The following IDH3A variants were observed in gnomAD, a reference collection of about 807,000 sequenced individuals.
IDH3A encodes the protein isocitrate dehydrogenase [NAD] subunit alpha, mitochondrial.
IDH3A carries 23 observed loss-of-function variants against 43.3 expected under a neutral mutation model. The observed-to-expected ratio is 0.53, with a 90% CI of 0.38 to 0.75. The LOEUF (loss-of-function observed/expected upper bound fraction) is 0.75. IDH3A is among the 30% of genes least tolerant of loss of function. The pLI, the probability that IDH3A is intolerant of heterozygous loss-of-function variation, is 0.00. For missense variants in IDH3A, 329 were observed against 474.4 expected (o/e 0.69, Z 2.85); for synonymous variants, 154 against 163.5 (o/e 0.94, Z 0.44).
At position 78,161,714 on chromosome 15, in the gene IDH3A, T is replaced by C; in HGVS notation, c.423T>C (p.Asn141=). ...EGYKTPYTDV[N]IVTIRENTEG... is the part of the protein sequence containing the mutation. ...ATAAAACCCCTTACACCGATGTAAATATTGTGACCATTCGAGAGAACACAG... is the reference window on the plus strand; with the variant it reads ...ATAAAACCCCTTACACCGATGTAAACATTGTGACCATTCGAGAGAACACAG... The change falls in exon 5 of 11, where the codon AAT becomes AAC. Residue 141 remains asparagine (N), a synonymous_variant. Transcript: ENST00000299518. This position sits in a 1 kb window ranked among gnomAD's most constrained non-coding sequence, Gnocchi z 4.8. 1 of 1,614,160 alleles carries C rather than the reference T, an allele frequency of 6.2e-7. No homozygotes were observed. Among genetic ancestry groups the C allele is most frequent in the South Asian group, 1.1e-5 (1 of 91,084 alleles).
chr15:78,164,540 C>T (rs772760429), intron 8 of IDH3A, among the ~76,000 whole-genome samples: 21 of 151,962 alleles, frequency 1.4e-4, no homozygotes, highest in African/African-American at 4.1e-4. Flanking sequence ...TTAGTAGGGA[C>T]GGGGTTTCGC....
rs761125263 is a variant in IDH3A, at chr15:78,161,129, G to A, written c.290-452G>A. 6.6e-5 allele frequency among the ~76,000 whole-genome samples: 10 copies of A among 152,204 alleles called. No homozygotes were observed. Among genetic ancestry groups the A allele is most frequent in the Non-Finnish European group, 1.2e-4 (8 of 68,044 alleles). On this transcript the variant is annotated intron_variant, in intron 4 of 10. Coordinates refer to ENST00000299518, the MANE Select transcript of IDH3A (RefSeq NM_005530.3). The surrounding 1 kb of genome is among the most constrained non-coding windows in gnomAD (Gnocchi z 4.8). ...ACTCCTGACCTCAAGCGATCCGCCT[G>A]CCTTGGCCTCCCAAAGTGTTGGGAT...
At chr15:78,162,070 T>C in intron 5 of IDH3A, 164 bp from the exon 6 acceptor site, 1 of 696,904 alleles carries the variant, frequency 1.4e-6, no homozygotes. Context: ...CTCTTAGGGC[T>C]GGAGTTAACA....
chr15:78,166,011 T>C lies in IDH3A; in HGVS notation c.865-139T>C, dbSNP rs183913079. On this transcript the variant is annotated intron_variant, in intron 9 of 10. Coordinates refer to ENST00000299518, the MANE Select transcript of IDH3A (RefSeq NM_005530.3). ...ACCCAGACTTTATTTCTTCAGTCCA[T>C]ATCAGATGAATTGCACGCAGTAGCT... 176 of 770,814 alleles carry C rather than the reference T, an allele frequency of 2.3e-4. 1 individual carries two copies. In the East Asian group the frequency reaches 4.1e-3, roughly 18 times the overall value. The allele number at this position is 770,814 out of a possible 1,614,324, so 47.7% of individuals were successfully genotyped here. A position where few individuals can be genotyped will look rare whatever the true frequency, so the allele number is the denominator to read the frequency against.
rs1004909223 is a variant in IDH3A, at chr15:78,171,085, C to T, written c.*2080C>T. The T allele has an allele frequency of 1.1e-5, 2 of 177,360 alleles. No individual in the cohort carries two copies. The highest frequency in any genetic ancestry group is 3.0e-4 in the East Asian group (2 of 6,574). The allele number at this position is 177,360 out of a possible 1,614,324, so 11.0% of individuals were successfully genotyped here. ...CAGTATCAGCCATCTCTCTCCTACC[C>T]GCTCCACAGCCTACTGCTGGCTGTC... On this transcript the variant is annotated 3_prime_UTR_variant, in exon 11 of 11. Transcript: ENST00000299518.
intron 10 of IDH3A, chr15:78,167,632 C>T (rs897332948): frequency 1.4e-4 from 22 of 152,216 alleles, no homozygotes; most frequent in African/African-American, 5.3e-4. Context: ...TTTTCTCAAA[C>T]TGAGACTCTG....
rs1033105220 is a variant in IDH3A, at chr15:78,157,900, C to T, written c.174+269C>T. 5.9e-5 allele frequency among the ~76,000 whole-genome samples: 9 copies of T among 151,608 alleles called. No homozygotes were observed. In the East Asian group the frequency reaches 1.4e-3, roughly 23 times the overall value. ...CTGGTCTTGAACTCTGGGGCTCAAGCGATCCTCCCACCTTCACCTCCCAAA... is the reference window on the plus strand; with the variant it reads ...CTGGTCTTGAACTCTGGGGCTCAAGTGATCCTCCCACCTTCACCTCCCAAA... On this transcript the variant is annotated intron_variant, in intron 3 of 10. Coordinates refer to ENST00000299518, the MANE Select transcript of IDH3A (RefSeq NM_005530.3).
At chr15:78,155,129 A>G in intron 1 of IDH3A, 84 bp from the exon 2 acceptor site, 1 of 919,948 alleles carries the variant, frequency 1.1e-6, no homozygotes, top group Admixed American at 1.9e-5. Context: ...TTGCAGCATT[A>G]CCATCCATCA....
intron 4 of IDH3A, among the ~76,000 whole-genome samples, chr15:78,160,714 G>A (rs538981504): frequency 6.6e-6 from 1 of 152,246 alleles, no homozygotes. Flanking sequence ...GGCTGATCTG[G>A]AATACCTAAG....
intron 1 of IDH3A, among the ~76,000 whole-genome samples, chr15:78,153,116 T>C (rs1448863719): frequency 1.3e-5 from 2 of 152,116 alleles, no homozygotes. Context: ...TTCTTTCTTT[T>C]TTTCTTTTTT....
At position 78,155,240 on chromosome 15, in the gene IDH3A, A is replaced by C; in HGVS notation, c.55A>C (p.Asn19His). 6.2e-7 allele frequency: 1 copy of C among 1,613,268 alleles called. No individual in the cohort carries two copies. Among genetic ancestry groups the C allele is most frequent in the Non-Finnish European group, 8.5e-7 (1 of 1,179,252 alleles). Reference sequence around the variant, plus strand: ...CTCTCGGCTGCTGGGGGCATTCCACAACCCAAAACAGGTGACCAGAGGTTT... The same window carrying C: ...CTCTCGGCTGCTGGGGGCATTCCACCACCCAAAACAGGTGACCAGAGGTTT... ...KVSRLLGAFH[N>H]PKQVTRGFTG... The change falls in exon 2 of 11, where the codon AAC (asparagine) becomes CAC (histidine). Residue 19 changes from asparagine to histidine, a missense_variant. Physicochemically the swap from Asn to His is moderately conservative, Grantham distance 68. Transcript: ENST00000299518.
chr15:78,160,183 A>C lies in IDH3A; in HGVS notation c.266A>C (p.Asp89Ala). The part of the protein sequence containing the change: ...MIPSEAKESM[D>A]KNKMGLKGPL... ...CCTTCAGAGGCTAAAGAGTCCATGG[A>C]TAAGAACAAGATGGGCTTGAAAGGT... The change falls in exon 4 of 11, where the codon GAT becomes GCT. Residue 89 changes from aspartate to alanine, a missense_variant. Asp to Ala is a moderately radical substitution (Grantham distance 126, BLOSUM62 -2). Transcript: ENST00000299518. 6.2e-7 allele frequency: 1 copy of C among 1,607,746 alleles called. No homozygotes were observed.
chr15:78,163,514 T>C lies in IDH3A; in HGVS notation c.619T>C (p.Ser207Pro). ...AVHKANIMRMSDGLFLQKCRE... is the reference protein window; with the variant it reads ...AVHKANIMRMPDGLFLQKCRE... The stretch of plus-strand genomic sequence containing the variant: ...TTATTTGATTAAATACAGGCGGATG[T>C]CAGATGGGCTTTTTCTACAAAAATG... The change falls in exon 7 of 11, where the codon TCA becomes CCA. Residue 207 changes from serine to proline, a missense_variant. By Grantham distance (74) the Ser-to-Pro change is moderately conservative (BLOSUM62 -1). This residue lies in a region of IDH3A where 212 missense variants were observed against 345.5 expected (regional missense o/e 0.61). Transcript: ENST00000299518. The C allele has an allele frequency of 6.2e-7, 1 of 1,609,924 alleles. No homozygotes were observed. The highest frequency in any genetic ancestry group is 8.5e-7 in the Non-Finnish European group (1 of 1,176,648).
chr15:78,149,890 G>C (rs2074559618), intron 1 of IDH3A, among the ~76,000 whole-genome samples: 1 of 152,272 alleles, frequency 6.6e-6, no homozygotes, highest in Non-Finnish European at 1.5e-5. Flanking sequence ...GCCCTTGGCC[G>C]GGGAACCGCA....
intron 2 of IDH3A, chr15:78,156,927 T>C (rs2074627847): frequency 7.4e-7 from 1 of 1,351,928 alleles, no homozygotes; most frequent in African/African-American, 1.5e-5. Context: ...GCCAAGCTTA[T>C]GTAGATTACT....
intron 6 of IDH3A, 78 bp from the exon 7 acceptor site, chr15:78,163,429 C>A: frequency 9.9e-7 from 1 of 1,010,138 alleles, no homozygotes; most frequent in Non-Finnish European, 1.5e-6. Flanking sequence ...ATGTCTTGAA[C>A]TTACTTTACT....
At chr15:78,162,970 C>T (rs1349473871) in intron 6 of IDH3A, among the ~76,000 whole-genome samples, 1 of 152,128 alleles carries the variant, frequency 6.6e-6, no homozygotes, top group Non-Finnish European at 1.5e-5. Context: ...ATTGGAGCCT[C>T]GGGGTCCCCA....
In IDH3A at chr15:78,157,827, T is replaced by TC. The variant is rs112439006; in HGVS notation, c.174+196_174+197insC. ...TACTGCCATTATTTCTTTCTTTCTTTTTTTTTTTTTTTTAAATTTAGAGAT... is the reference window on the plus strand; with the variant it reads ...TACTGCCATTATTTCTTTCTTTCTTTCTTTTTTTTTTTTTAAATTTAGAGAT... On this transcript the variant is annotated intron_variant, in intron 3 of 10. Coordinates refer to ENST00000299518, the MANE Select transcript of IDH3A (RefSeq NM_005530.3). 8.0e-5 allele frequency among the ~76,000 whole-genome samples: 12 copies of TC among 150,570 alleles called. No individual in the cohort carries two copies. The East Asian group carries it at 9.7e-4, about 12-fold the overall frequency.
At chr15:78,160,931 G>T (rs554513022) in intron 4 of IDH3A, among the ~76,000 whole-genome samples, 4 of 152,188 alleles carry the variant, frequency 2.6e-5, no homozygotes, top group Non-Finnish European at 5.9e-5. Context: ...GCCCAGGCTG[G>T]AGTGCAGTGC....
Sources: allele counts gnomAD v4.1 joint callset (sites outside exome capture counted in the v4.1 genomes callset), GRCh38; gene constraint gnomAD v4.1.1; regional missense constraint gnomAD v4.1.1; non-coding constraint Gnocchi (gnomAD v3.1); transcripts MANE v1.5; gene names NCBI Gene and HGNC (gene_info 2026-07-23, HGNC 2026-07-21).